UBE2G1: variants seen among roughly 807,000 people sequenced by gnomAD.
UBE2G1 encodes the protein ubiquitin-conjugating enzyme E2 G1.
A neutral mutation model predicts 22.7 loss-of-function variants in UBE2G1; 5 were observed. That is an observed-to-expected ratio of 0.22 (90% CI 0.12 to 0.46). UBE2G1 has a LOEUF of 0.46. Ranked by LOEUF, UBE2G1 falls within the 20% of genes least tolerant of loss-of-function variation. The probability of loss-of-function intolerance (pLI) is 0.99; values close to 1 mark genes in which losing one functional copy is unlikely to be tolerated. For synonymous variants in UBE2G1, 74 were observed against 67.5 expected, an observed-to-expected ratio of 1.10 and a Z score of -0.47; for missense variants, 88 against 203.9, an observed-to-expected ratio of 0.43 and a Z score of 3.46.
chr17:4,333,507 C>T (rs1483787818), intron 1 of UBE2G1, among the ~76,000 whole-genome samples: 12 of 152,140 alleles, frequency 7.9e-5, no homozygotes, highest in Non-Finnish European at 1.5e-5. Flanking sequence ...GAAACCCCAT[C>T]TCTACTAAAA....
In UBE2G1 at chr17:4,366,341, G is replaced by A; in HGVS notation, c.-25C>T. 2 of 1,527,986 alleles carry A rather than the reference G, an allele frequency of 1.3e-6. No individual in the cohort carries two copies. The highest frequency in any genetic ancestry group is 1.7e-6 in the Non-Finnish European group (2 of 1,146,978). 94.7% of individuals were successfully genotyped at this position (1,527,986 alleles called of 1,614,324 possible). On this transcript the variant is annotated 5_prime_UTR_variant, in exon 1 of 6. Coordinates refer to ENST00000396981, the MANE Select transcript of UBE2G1 (RefSeq NM_003342.5). ...TCCTCCCTGCCGAGGGCCCGGGCTGGCGCCGGGGCTTCCGAAGGGCTGGGG... is the reference window on the plus strand; with the variant it reads ...TCCTCCCTGCCGAGGGCCCGGGCTGACGCCGGGGCTTCCGAAGGGCTGGGG...
intron 1 of UBE2G1, among the ~76,000 whole-genome samples, chr17:4,357,496 T>C (rs1005221315): frequency 4.2e-3 from 73 of 17,322 alleles, no homozygotes; most frequent in South Asian, 0.017. Context: ...CTCGGTTGTG[T>C]GTGTGTGTGT....
intron 1 of UBE2G1, among the ~76,000 whole-genome samples, chr17:4,325,107 A>G (rs1969489627): frequency 1.3e-5 from 2 of 151,552 alleles, no homozygotes. Flanking sequence ...CAAAAAAAAC[A>G]AAAAACAAAA....
intron 5 of UBE2G1, among the ~76,000 whole-genome samples, chr17:4,277,272 A>G (rs897790211): frequency 3.3e-5 from 5 of 152,120 alleles, no homozygotes; most frequent in Non-Finnish European, 7.4e-5. Context: ...CTTATGAGAG[A>G]CCCGGAGTCA....
At chr17:4,309,522 A>G (rs1395787941) in intron 1 of UBE2G1, among the ~76,000 whole-genome samples, 5 of 152,266 alleles carry the variant, frequency 3.3e-5, no homozygotes, top group Admixed American at 3.3e-4. Flanking sequence ...TTATGCACGC[A>G]TATGTGTACT....
rs575202035 is a variant in UBE2G1, at chr17:4,320,200, T to C, written c.47-13077A>G. On this transcript the variant is annotated intron_variant, in intron 1 of 5. Coordinates refer to ENST00000396981, the MANE Select transcript of UBE2G1 (RefSeq NM_003342.5). ...TACTAAATATATCTATATTTATGAT[T>C]AGAAAATGGGAAGGGAATGGAGGGA... 5.9e-4 allele frequency among the ~76,000 whole-genome samples: 90 copies of C among 152,244 alleles called. 1 individual carries two copies. The South Asian group carries it at 0.017, about 29-fold the overall frequency.
chr17:4,276,414 C>T (rs1341501152), intron 5 of UBE2G1, among the ~76,000 whole-genome samples: 10 of 152,156 alleles, frequency 6.6e-5, no homozygotes, highest in African/African-American at 2.4e-4. Context: ...CGATCTTCGC[C>T]TCCCAAAGTG....
Position 4,312,311 on chromosome 17 carries a change from G to GT in UBE2G1, c.47-5189dup, listed in dbSNP as rs566269330. Among the ~76,000 whole-genome samples, 941 of 152,250 alleles carry GT rather than the reference G, an allele frequency of 6.2e-3. 2 individuals carry two copies. Among genetic ancestry groups the GT allele is most frequent in the Middle Eastern group, 0.014 (4 of 294 alleles). On this transcript the variant is annotated intron_variant, in intron 1 of 5. Transcript: ENST00000396981. ...CAGAATATGGCTGATCACTGAGGTT[G>GT]TAAGTTGATGCATCACCCAAGGATA... is the stretch of plus-strand genomic sequence containing the variant.
At chr17:4,318,068 CTATTTTT>C (rs1270142764) in intron 1 of UBE2G1, among the ~76,000 whole-genome samples, 1 of 152,134 alleles carries the variant, frequency 6.6e-6, no homozygotes, top group Non-Finnish European at 1.5e-5. Flanking sequence ...CAGATCATTT[CTATTTTT>C]TGAGTCTCAT....
intron 1 of UBE2G1, among the ~76,000 whole-genome samples, chr17:4,358,718 G>A (rs1969934801): frequency 6.6e-6 from 1 of 152,172 alleles, no homozygotes; most frequent in African/African-American, 2.4e-5. Context: ...TTGGGAGGCT[G>A]AAGCAGGTGG....
intron 5 of UBE2G1, among the ~76,000 whole-genome samples, chr17:4,280,659 C>T (rs1231002689): frequency 1.4e-5 from 2 of 144,518 alleles, no homozygotes; most frequent in Non-Finnish European, 3.0e-5. Flanking sequence ...TTTTTTGGAA[C>T]GGAGTTTTGT....
At chr17:4,359,242 C>A (rs769609400) in intron 1 of UBE2G1, among the ~76,000 whole-genome samples, 3 of 152,056 alleles carry the variant, frequency 2.0e-5, no homozygotes, top group Admixed American at 6.6e-5. Context: ...TTAAAGCAAA[C>A]AAACAACAAA....
intron 2 of UBE2G1, among the ~76,000 whole-genome samples, chr17:4,305,744 G>A (rs1969242547): frequency 6.6e-6 from 1 of 152,168 alleles, no homozygotes; most frequent in African/African-American, 2.4e-5. Flanking sequence ...GTTTCACCAT[G>A]TTGGCCAGGC....
intron 1 of UBE2G1, among the ~76,000 whole-genome samples, chr17:4,311,538 A>T (rs1334113001): frequency 1.3e-5 from 2 of 152,260 alleles, no homozygotes; most frequent in East Asian, 1.9e-4. Flanking sequence ...GCAGACATAT[A>T]AAGTCACATG....
intron 3 of UBE2G1, among the ~76,000 whole-genome samples, chr17:4,292,004 T>C (rs1361090169): frequency 6.6e-6 from 1 of 152,110 alleles, no homozygotes; most frequent in African/African-American, 2.4e-5. Flanking sequence ...TTCATTTCAG[T>C]GTTCATTAGA....
intron 1 of UBE2G1, among the ~76,000 whole-genome samples, chr17:4,352,375 G>A (rs1048213063): frequency 2.0e-5 from 3 of 151,582 alleles, no homozygotes; most frequent in East Asian, 2.0e-4. Context: ...GATTACAGGC[G>A]TGAGCCACTG....
chr17:4,364,848 C>G (rs1970014364), intron 1 of UBE2G1, among the ~76,000 whole-genome samples: 1 of 152,224 alleles, frequency 6.6e-6, no homozygotes, highest in Admixed American at 6.5e-5. Context: ...TCCCGAAGTG[C>G]TGGGATTACA....
intron 1 of UBE2G1, among the ~76,000 whole-genome samples, chr17:4,311,865 A>G (rs1969314053): frequency 6.6e-6 from 1 of 152,210 alleles, no homozygotes; most frequent in African/African-American, 2.4e-5. Flanking sequence ...AATGAGAAAC[A>G]TAGGAGGAGG....
In UBE2G1 at chr17:4,312,695, C is replaced by CA. The variant is rs58462791; in HGVS notation, c.47-5573dup. Reference sequence around the variant, plus strand: ...TGGGCGATAGAGCAAGACTCCATCTCAAAAAAAAAAAAAAAAAAAACAAAA... The same window carrying CA: ...TGGGCGATAGAGCAAGACTCCATCTCAAAAAAAAAAAAAAAAAAAAACAAAA... On this transcript the variant is annotated intron_variant, in intron 1 of 5. Coordinates refer to ENST00000396981, the MANE Select transcript of UBE2G1 (RefSeq NM_003342.5). Among the ~76,000 whole-genome samples the CA allele has an allele frequency of 4.0e-3, 307 of 76,800 alleles. 5 individuals are homozygous for CA. Among genetic ancestry groups the CA allele is most frequent in the African/African-American group, 0.013 (254 of 20,026 alleles). 50.4% of individuals were successfully genotyped at this position (76,800 alleles called of 152,430 possible).
Sources: gnomAD v4.1 joint callset for allele counts (sites outside exome capture counted in the v4.1 genomes callset) on GRCh38, gnomAD v4.1.1 for gene constraint, MANE v1.5 for transcripts, NCBI Gene and HGNC (gene_info 2026-07-23, HGNC 2026-07-21) for gene names.